The following PDE3A variants were observed in gnomAD, a reference collection of about 807,000 sequenced individuals.
The protein encoded by PDE3A is cGMP-inhibited 3',5'-cyclic phosphodiesterase 3A.
In PDE3A, 43 loss-of-function variants were observed where a neutral mutation model predicts 98.3. The observed-to-expected ratio is 0.44, with a 90% CI of 0.34 to 0.56. The LOEUF is 0.56. PDE3A is among the 20% of genes least tolerant of loss of function. The pLI, the probability that PDE3A is intolerant of heterozygous loss-of-function variation, is 0.01. For missense variants in PDE3A, 1,427 were observed against 1,440.7 expected (o/e 0.99, Z 0.15); for synonymous variants, 663 against 567.9 (o/e 1.17, Z -2.38).
At chr12:20,462,459 C>T (rs1945267149) in intron 1 of PDE3A, among the ~76,000 whole-genome samples, 1 of 152,150 alleles carries the variant, frequency 6.6e-6, no homozygotes, top group African/African-American at 2.4e-5. Flanking sequence ...CCACTGAACT[C>T]CAGCCTGGTC....
At chr12:20,666,626 T>TTTTTATG (rs1191705962) in intron 15 of PDE3A, among the ~76,000 whole-genome samples, 1 of 152,250 alleles carries the variant, frequency 6.6e-6, no homozygotes, top group Admixed American at 6.5e-5. Context: ...TTTTTATGTC[T>TTTTTATG]GAATATTATT....
chr12:20,369,523 T>A lies in PDE3A; in HGVS notation c.239T>A (p.Leu80Gln). Residue 80 changes from leucine (L) to glutamine (Q), a missense_variant, in exon 1 of 16, where the codon CTG becomes CAG. Transcript: ENST00000359062. ...TTTCTGCTGGCGCTGCTGGTGAGGCTGGTCCGCGGGGAGGTCGGCTGTGAC... is the reference window on the plus strand; with the variant it reads ...TTTCTGCTGGCGCTGCTGGTGAGGCAGGTCCGCGGGGAGGTCGGCTGTGAC... ...LSFLLALLVR[L>Q]VRGEVGCDLE... The A allele has an allele frequency of 6.4e-7, 1 of 1,560,732 alleles. No homozygotes were observed. Among genetic ancestry groups the A allele is most frequent in the South Asian group, 1.2e-5 (1 of 84,822 alleles).
chr12:20,463,372 G>A (rs1200703700), intron 1 of PDE3A, among the ~76,000 whole-genome samples: 3 of 152,092 alleles, frequency 2.0e-5, no homozygotes, highest in African/African-American at 7.2e-5. Flanking sequence ...CTTTTCCTTT[G>A]CTACCTCACT....
intron 2 of PDE3A, among the ~76,000 whole-genome samples, chr12:20,558,691 A>AAATAATAATAATAATAATAATAAT (rs66996145): frequency 6.8e-6 from 1 of 147,832 alleles, no homozygotes; most frequent in Non-Finnish European, 1.5e-5. Context: ...CCTGCTGACG[A>AAATAATAATAATAATAATAATAAT]AATAATAATA....
At chr12:20,641,354 A>T (rs1030939153) in intron 10 of PDE3A, among the ~76,000 whole-genome samples, 4 of 152,106 alleles carry the variant, frequency 2.6e-5, no homozygotes, top group African/African-American at 9.7e-5. Flanking sequence ...GTAGTTGGAA[A>T]GGATCTCAAG....
At chr12:20,465,603 G>T (rs948763013) in intron 1 of PDE3A, among the ~76,000 whole-genome samples, 1 of 151,984 alleles carries the variant, frequency 6.6e-6, no homozygotes, top group Non-Finnish European at 1.5e-5. Flanking sequence ...TAGAGATGGG[G>T]TTTCACCATG....
intron 1 of PDE3A, among the ~76,000 whole-genome samples, chr12:20,465,613 G>T (rs1324133409): frequency 2.6e-5 from 4 of 152,042 alleles, no homozygotes; most frequent in Admixed American, 2.0e-4. Context: ...GTTTCACCAT[G>T]CTGGCCAGGC....
chr12:20,475,221 G>A (rs148772489), intron 1 of PDE3A, among the ~76,000 whole-genome samples: 1 of 145,494 alleles, frequency 6.9e-6, no homozygotes, highest in African/African-American at 2.6e-5. Context: ...GTGTGTGTAT[G>A]TTCCTTCTTT....
Position 20,552,019 on chromosome 12 carries a change from G to C in PDE3A, c.961-4641G>C. 2 of 1,612,506 alleles carry C rather than the reference G, an allele frequency of 1.2e-6. No homozygotes were observed. Among genetic ancestry groups the C allele is most frequent in the Middle Eastern group, 2.1e-4 (1 of 4,758 alleles). ...CGGAGCGTACTCCCTAGTCCTGGCG[G>C]GGGGCTACGAGGATGACGTGGACCA... On this transcript the variant is annotated intron_variant, in intron 1 of 15. Coordinates refer to ENST00000359062, the MANE Select transcript of PDE3A (RefSeq NM_000921.5). The surrounding 1 kb of genome is among the most constrained non-coding windows in gnomAD (Gnocchi z 5.1).
chr12:20,503,353 T>C (rs1369403800), intron 1 of PDE3A, among the ~76,000 whole-genome samples: 1 of 152,056 alleles, frequency 6.6e-6, no homozygotes, highest in East Asian at 1.9e-4. Context: ...AGGTATTCCA[T>C]AGAAAGACTA....
intron 1 of PDE3A, among the ~76,000 whole-genome samples, chr12:20,525,793 A>G (rs910918059): frequency 6.6e-5 from 10 of 152,298 alleles, no homozygotes; most frequent in Admixed American, 5.2e-4. Flanking sequence ...GTATGAGAGG[A>G]TAAAGGATTG....
At chr12:20,524,979 A>G (rs1946488810) in intron 1 of PDE3A, among the ~76,000 whole-genome samples, 1 of 152,208 alleles carries the variant, frequency 6.6e-6, no homozygotes, top group Admixed American at 6.5e-5. Context: ...TGCTAAAAAT[A>G]CAAAAAGCCA....
intron 3 of PDE3A, 116 bp downstream of exon 3, chr12:20,613,816 A>G: frequency 1.4e-6 from 1 of 709,118 alleles, no homozygotes; most frequent in South Asian, 1.8e-5. Flanking sequence ...ACTCAGGCAA[A>G]ATGTGTTGAT....
At chr12:20,491,924 A>T (rs757834574) in intron 1 of PDE3A, among the ~76,000 whole-genome samples, 2 of 152,176 alleles carry the variant, frequency 1.3e-5, no homozygotes, top group Non-Finnish European at 2.9e-5. Flanking sequence ...AAATATACAG[A>T]TTTAAATTCC....
chr12:20,625,826 A>G (rs1295564416), intron 5 of PDE3A, among the ~76,000 whole-genome samples: 1 of 152,166 alleles, frequency 6.6e-6, no homozygotes, highest in Non-Finnish European at 1.5e-5. Flanking sequence ...TATTTTTAAA[A>G]TTATATTTTT....
At chr12:20,669,436 G>A (rs1945410457) in intron 15 of PDE3A, among the ~76,000 whole-genome samples, 1 of 151,324 alleles carries the variant, frequency 6.6e-6, no homozygotes, top group Admixed American at 6.6e-5. Flanking sequence ...AAAATGTTAA[G>A]GGCAGCCAGA....
In PDE3A at chr12:20,368,802, TGCAGCGCAGCGCAGCGCCGA is replaced by T. The variant is rs1355482651; in HGVS notation, c.-480_-461del. 6.6e-6 allele frequency among the ~76,000 whole-genome samples: 1 copy of T among 151,730 alleles called. No homozygotes were observed. The highest frequency in any genetic ancestry group is 1.5e-5 in the Non-Finnish European group (1 of 67,898). On this transcript the variant is annotated 5_prime_UTR_variant, in exon 1 of 16. It introduces an in-frame stop codon into an upstream open reading frame of the 5' UTR. Transcript: ENST00000359062. The stretch of plus-strand genomic sequence containing the variant: ...TCCATCTGCCGCGGGCCCGGCGCGC[TGCAGCGCAGCGCAGCGCCGA>T]GCTGCGCCTCGGAATGGCCCGGAGC...
intron 1 of PDE3A, among the ~76,000 whole-genome samples, chr12:20,418,324 A>G (rs529453262): frequency 3.9e-5 from 6 of 152,322 alleles, no homozygotes; most frequent in African/African-American, 9.6e-5. Flanking sequence ...TAGGTACTCA[A>G]TAAAGGAAGG....
At chr12:20,508,457 C>T (rs2121107012) in intron 1 of PDE3A, among the ~76,000 whole-genome samples, 1 of 151,268 alleles carries the variant, frequency 6.6e-6, no homozygotes, top group East Asian at 1.9e-4. Flanking sequence ...TCCCAATCAT[C>T]TAGAACAGTG....
Sources: allele counts gnomAD v4.1 joint callset (sites outside exome capture counted in the v4.1 genomes callset), GRCh38; gene constraint gnomAD v4.1.1; non-coding constraint Gnocchi (gnomAD v3.1); transcripts MANE v1.5; gene names NCBI Gene and HGNC (gene_info 2026-07-23, HGNC 2026-07-21).